The following CHODL variants were observed in gnomAD, a reference collection of about 807,000 sequenced individuals.
CHODL encodes the protein transmembrane protein MT75.
Under a neutral mutation model 34.5 loss-of-function variants are expected in CHODL, and 29 were observed. The ratio of observed to expected loss-of-function variants is 0.84; its 90% CI spans 0.63 to 1.15. The LOEUF (loss-of-function observed/expected upper bound fraction) is 1.15, where lower values mean the gene tolerates loss of function less well. CHODL is among the 50% of genes most tolerant of loss of function. The pLI is 0.00. For synonymous variants in CHODL, 125 were observed against 116.1 expected, an observed-to-expected ratio of 1.08 and a Z score of -0.49; for missense variants, 332 against 332.5, an observed-to-expected ratio of 1.00 and a Z score of 0.01.
In CHODL at chr21:18,004,098, A is replaced by G. The variant is rs2063937165; in HGVS notation, c.-144-23774A>G. 2.0e-5 allele frequency among the ~76,000 whole-genome samples: 3 copies of G among 152,224 alleles called. No individual in the cohort carries two copies. In the South Asian group the frequency reaches 6.2e-4, roughly 31 times the overall value. ...AGTGTTTGCCTTTTTCTTAGAAACA[A>G]TAATTAATAAAGTAAAAATTTTTAG... On this transcript the variant is annotated intron_variant, in intron 1 of 6. Coordinates refer to the CHODL transcript ENST00000400127.
chr21:18,005,863 C>T (rs1484539996), intron 1 of CHODL, among the ~76,000 whole-genome samples: 1 of 152,174 alleles, frequency 6.6e-6, no homozygotes, highest in Non-Finnish European at 1.5e-5. Context: ...GGCAGAATAG[C>T]TAATGGATGC....
At chr21:18,109,223 G>C (rs1243226418) in intron 2 of CHODL, among the ~76,000 whole-genome samples, 1 of 151,778 alleles carries the variant, frequency 6.6e-6, no homozygotes, top group Non-Finnish European at 1.5e-5. Context: ...CTTAATATTT[G>C]GGAATTGCCC....
chr21:17,982,745 T>TC (rs1371464225), intron 1 of CHODL, among the ~76,000 whole-genome samples: 11 of 133,778 alleles, frequency 8.2e-5, no homozygotes, highest in African/African-American at 3.1e-4. Flanking sequence ...CCTTACTCTG[T>TC]CACCCAGGCT....
chr21:18,044,772 A>G (rs1203042864), intron 2 of CHODL, among the ~76,000 whole-genome samples: 3 of 151,722 alleles, frequency 2.0e-5, no homozygotes, highest in African/African-American at 4.8e-5. Context: ...TTTTGATTTG[A>G]TTTGCAAGCT....
intron 2 of CHODL, among the ~76,000 whole-genome samples, chr21:18,194,465 G>A (rs2073557501): frequency 6.6e-6 from 1 of 152,096 alleles, no homozygotes; most frequent in African/African-American, 2.4e-5. Context: ...TCCTCGAGAT[G>A]TCTCGCTCCT....
At chr21:17,992,779 C>T (rs545733717) in intron 1 of CHODL, among the ~76,000 whole-genome samples, 6 of 133,176 alleles carry the variant, frequency 4.5e-5, no homozygotes, top group Middle Eastern at 4.4e-3. Flanking sequence ...TTCAGCCTCC[C>T]GAGTAGCCGG....
chr21:18,192,531 A>G (rs1471309488), intron 2 of CHODL, among the ~76,000 whole-genome samples: 2 of 152,226 alleles, frequency 1.3e-5, no homozygotes, highest in African/African-American at 4.8e-5. Context: ...TGTTACGGTT[A>G]TATAGCTTAA....
At chr21:18,082,346 A>G (rs1191611750) in intron 2 of CHODL, among the ~76,000 whole-genome samples, 2 of 152,112 alleles carry the variant, frequency 1.3e-5, no homozygotes, top group African/African-American at 4.8e-5. Context: ...TCCTTTCTTC[A>G]CAAATTACCC....
intron 2 of CHODL, among the ~76,000 whole-genome samples, chr21:18,174,115 ATC>A (rs1568923017): frequency 4.7e-5 from 3 of 63,286 alleles, no homozygotes; most frequent in Non-Finnish European, 6.4e-5. Context: ...ATATATATAT[ATC>A]TTGGTGTATA....
At chr21:17,958,493 C>T (rs1003853278) in intron 1 of CHODL, among the ~76,000 whole-genome samples, 3 of 152,144 alleles carry the variant, frequency 2.0e-5, no homozygotes, top group African/African-American at 7.2e-5. Context: ...ATAACATTAT[C>T]TTCAAAAGCA....
intron 2 of CHODL, among the ~76,000 whole-genome samples, chr21:18,066,284 G>C (rs146968246): frequency 2.0e-5 from 3 of 152,100 alleles, no homozygotes; most frequent in African/African-American, 7.2e-5. Context: ...GCTGGAAATT[G>C]CTCAATTTTA....
intron 2 of CHODL, chr21:18,134,404 T>C (rs1740600748): frequency 3.9e-6 from 2 of 509,050 alleles, no homozygotes; most frequent in African/African-American, 3.9e-5. Context: ...CTCACTCTTG[T>C]AGGTGGATCT....
chr21:18,174,152 T>TATAA (rs71189589), intron 2 of CHODL, among the ~76,000 whole-genome samples: 26 of 125,830 alleles, frequency 2.1e-4, no homozygotes, highest in African/African-American at 7.4e-4. Flanking sequence ...TATATATATA[T>TATAA]ATATATATAA....
chr21:18,099,361 C>A (rs2065182541), intron 2 of CHODL, among the ~76,000 whole-genome samples: 1 of 151,362 alleles, frequency 6.6e-6, no homozygotes, highest in African/African-American at 2.4e-5. Context: ...AATATGTATA[C>A]CTACTGAGTA....
chr21:17,957,291 T>C (rs2063500061), intron 1 of CHODL, among the ~76,000 whole-genome samples: 1 of 152,216 alleles, frequency 6.6e-6, no homozygotes, highest in African/African-American at 2.4e-5. Context: ...TATTCTTCGG[T>C]TGCAGAATGA....
At chr21:18,044,318 T>C (rs1433386760) in intron 2 of CHODL, among the ~76,000 whole-genome samples, 1 of 152,030 alleles carries the variant, frequency 6.6e-6, no homozygotes, top group Non-Finnish European at 1.5e-5. Context: ...CATTGAACAA[T>C]ATAAATAGTG....
At chr21:18,178,531 A>G (rs1601110387) in intron 2 of CHODL, among the ~76,000 whole-genome samples, 2 of 152,358 alleles carry the variant, frequency 1.3e-5, no homozygotes, top group South Asian at 2.1e-4. Flanking sequence ...CTTAGTGATA[A>G]CATAAACTAT....
At chr21:18,074,135 T>C (rs2064837393) in intron 2 of CHODL, among the ~76,000 whole-genome samples, 2 of 152,212 alleles carry the variant, frequency 1.3e-5, no homozygotes, top group South Asian at 4.1e-4. Context: ...CTGATGGAAT[T>C]GATTATATAG....
In CHODL at chr21:18,233,675, C is replaced by G. The variant is rs565119331; in HGVS notation, c.-44-22834C>G. ...AAACACCGGAGCCAATATTTGGGGC[C>G]TTTTTTTAAAAAAAATAAGATAATT... On this transcript the variant is annotated intron_variant, in intron 2 of 6. Transcript: ENST00000400127. 2.4e-3 allele frequency among the ~76,000 whole-genome samples: 363 copies of G among 151,884 alleles called. 2 individuals carry two copies. Among genetic ancestry groups the G allele is most frequent in the Non-Finnish European group, 4.6e-3 (310 of 67,940 alleles).
Sources: gnomAD v4.1 joint callset for allele counts (sites outside exome capture counted in the v4.1 genomes callset) on GRCh38, gnomAD v4.1.1 for gene constraint, MANE v1.5 for transcripts, NCBI Gene and HGNC (gene_info 2026-07-23, HGNC 2026-07-21) for gene names.